EFNA5: variants seen among roughly 807,000 people sequenced by gnomAD.
The protein encoded by EFNA5 is ephrin-A5.
EFNA5 carries 5 observed loss-of-function variants against 22.9 expected under a neutral mutation model. The ratio of observed to expected loss-of-function variants is 0.22; its 90% CI spans 0.11 to 0.46. EFNA5 has a LOEUF of 0.46. Ranked by LOEUF, EFNA5 falls within the 20% of genes least tolerant of loss-of-function variation. The probability of loss-of-function intolerance (pLI) is 0.99; values close to 1 mark genes in which losing one functional copy is unlikely to be tolerated. For missense variants in EFNA5, 237 were observed against 293.3 expected (o/e 0.81, Z 1.40); for synonymous variants, 113 against 112.2 (o/e 1.01, Z -0.04).
At chr5:107,433,026 T>C (rs1031519300) in intron 1 of EFNA5, among the ~76,000 whole-genome samples, 1 of 152,238 alleles carries the variant, frequency 6.6e-6, no homozygotes, top group Non-Finnish European at 1.5e-5. Flanking sequence ...TATAAGAATA[T>C]AGTATATATG....
chr5:107,506,147 A>C (rs1163430908), intron 1 of EFNA5: 2 of 152,206 alleles, frequency 1.3e-5, no homozygotes, highest in African/African-American at 4.8e-5. Context: ...AGCTCCATGA[A>C]CCCTTCCCAG....
At chr5:107,558,052 A>G (rs1340098443) in intron 1 of EFNA5, among the ~76,000 whole-genome samples, 1 of 152,210 alleles carries the variant, frequency 6.6e-6, no homozygotes, top group Non-Finnish European at 1.5e-5. Context: ...CATGGTATAT[A>G]TAAATGCTTG....
At chr5:107,488,173 T>C (rs1182164906) in intron 1 of EFNA5, among the ~76,000 whole-genome samples, 4 of 152,202 alleles carry the variant, frequency 2.6e-5, no homozygotes, top group Admixed American at 2.6e-4. Context: ...GAAAATATAC[T>C]AGAGCTAAAA....
chr5:107,545,201 A>G (rs1748120973), intron 1 of EFNA5, among the ~76,000 whole-genome samples: 1 of 152,252 alleles, frequency 6.6e-6, no homozygotes, highest in African/African-American at 2.4e-5. Context: ...CCTGCCTGTC[A>G]CGGTATCAGG....
At chr5:107,444,232 T>C (rs1028367808) in intron 1 of EFNA5, among the ~76,000 whole-genome samples, 3 of 152,234 alleles carry the variant, frequency 2.0e-5, no homozygotes, top group African/African-American at 4.8e-5. Context: ...CTTTCAATAG[T>C]GTGTATTGCT....
At chr5:107,556,894 A>G (rs1748433481) in intron 1 of EFNA5, among the ~76,000 whole-genome samples, 1 of 152,056 alleles carries the variant, frequency 6.6e-6, no homozygotes, top group African/African-American at 2.4e-5. Context: ...TTCACATTCC[A>G]CTAATGAAAA....
intron 1 of EFNA5, among the ~76,000 whole-genome samples, chr5:107,528,470 G>C (rs1747743977): frequency 6.6e-6 from 1 of 152,100 alleles, no homozygotes; most frequent in South Asian, 2.1e-4. Context: ...ATTCAGAATT[G>C]AATAAAAATG....
At chr5:107,401,814 G>C (rs937734390) in intron 2 of EFNA5, among the ~76,000 whole-genome samples, 1 of 152,216 alleles carries the variant, frequency 6.6e-6, no homozygotes, top group Admixed American at 6.5e-5. Flanking sequence ...CGGGTGAAAA[G>C]ATCATTACCA....
At chr5:107,483,409 G>T (rs185888845) in intron 1 of EFNA5, among the ~76,000 whole-genome samples, 2 of 152,080 alleles carry the variant, frequency 1.3e-5, no homozygotes, top group African/African-American at 4.8e-5. Context: ...CCGAATCCTA[G>T]CTATAAGTCA....
chr5:107,395,689 GTTCT>G, intron 2 of EFNA5, among the ~76,000 whole-genome samples: 1 of 152,288 alleles, frequency 6.6e-6, no homozygotes, highest in South Asian at 2.1e-4. Flanking sequence ...AGGTCAGCCA[GTTCT>G]TTCTTTCTTG....
Position 107,380,919 on chromosome 5 carries a change from G to A in EFNA5, c.*336C>T. ...CCGCTGACACAGTGCGCTAACGGAG[G>A]TGAGTTCTTAGAGGAGAATGCACAG... On this transcript the variant is annotated 3_prime_UTR_variant, in exon 5 of 5. Coordinates refer to ENST00000333274, the MANE Select transcript of EFNA5 (RefSeq NM_001962.3). 2.3e-6 allele frequency: 1 copy of A among 438,232 alleles called. No individual in the cohort carries two copies. The allele number at this position is 438,232 out of a possible 1,614,324, so 27.1% of individuals were successfully genotyped here. A position where few individuals can be genotyped will look rare whatever the true frequency, so the allele number is the denominator to read the frequency against.
intron 1 of EFNA5, among the ~76,000 whole-genome samples, chr5:107,617,134 G>T (rs77631618): frequency 6.6e-6 from 1 of 151,018 alleles, no homozygotes; most frequent in Non-Finnish European, 1.5e-5. Flanking sequence ...AGCAGATACC[G>T]CTACTCTTAT....
intron 1 of EFNA5, among the ~76,000 whole-genome samples, chr5:107,430,068 C>T (rs901908859): frequency 7.9e-5 from 12 of 152,078 alleles, no homozygotes; most frequent in Non-Finnish European, 1.2e-4. Flanking sequence ...TTTTTAAAAA[C>T]CGAAAACACT....
intron 1 of EFNA5, among the ~76,000 whole-genome samples, chr5:107,498,239 A>G (rs998014822): frequency 4.6e-5 from 7 of 152,262 alleles, no homozygotes; most frequent in Non-Finnish European, 1.5e-5. Context: ...TATATGGTAC[A>G]GTGACAGTTT....
intron 2 of EFNA5, among the ~76,000 whole-genome samples, chr5:107,418,103 T>C (rs1748553599): frequency 6.6e-6 from 1 of 152,214 alleles, no homozygotes; most frequent in African/African-American, 2.4e-5. Context: ...TGCATGCTTG[T>C]GTAATTTACA....
chr5:107,426,875 T>C (rs1748822288), intron 2 of EFNA5: 3 of 253,794 alleles, frequency 1.2e-5, no homozygotes, highest in South Asian at 1.1e-4. Flanking sequence ...CTCCAAGCTA[T>C]GTAAATTTAA....
chr5:107,483,102 T>G (rs759628581), intron 1 of EFNA5, among the ~76,000 whole-genome samples: 3 of 152,162 alleles, frequency 2.0e-5, no homozygotes, highest in Non-Finnish European at 4.4e-5. Context: ...TATGTAATAG[T>G]GTGAACAAAG....
At chr5:107,562,636 T>A (rs930807082) in intron 1 of EFNA5, among the ~76,000 whole-genome samples, 9 of 152,154 alleles carry the variant, frequency 5.9e-5, no homozygotes, top group Admixed American at 2.6e-4. Context: ...CTGAGCATCA[T>A]TTTTTAAAAA....
At chr5:107,413,106 C>A (rs35021422) in intron 2 of EFNA5, among the ~76,000 whole-genome samples, 25,254 of 152,092 alleles carry the variant, frequency 0.17, 2,516 homozygotes, top group South Asian at 0.33. Flanking sequence ...AAACTTGAAG[C>A]ATGGGTTGAA....
Sources: gnomAD v4.1 joint callset for allele counts (sites outside exome capture counted in the v4.1 genomes callset) on GRCh38, gnomAD v4.1.1 for gene constraint, MANE v1.5 for transcripts, NCBI Gene and HGNC (gene_info 2026-07-23, HGNC 2026-07-21) for gene names.